The following FSTL4 variants were observed in gnomAD, a reference collection of about 807,000 sequenced individuals.
FSTL4 encodes the protein follistatin like 4.
A neutral mutation model predicts 78.2 loss-of-function variants in FSTL4; 28 were observed. The observed-to-expected ratio is 0.36, with a 90% CI of 0.27 to 0.49. The LOEUF is 0.49. Ranked by LOEUF, FSTL4 falls within the 20% of genes least tolerant of loss-of-function variation. The probability of loss-of-function intolerance (pLI) is 0.98; values close to 1 mark genes in which losing one functional copy is unlikely to be tolerated. For missense variants in FSTL4, 922 were observed against 1,084.9 expected (o/e 0.85, Z 2.11); for synonymous variants, 422 against 440.5 (o/e 0.96, Z 0.53).
intron 3 of FSTL4, among the ~76,000 whole-genome samples, chr5:133,436,443 G>A (rs898566430): frequency 6.6e-6 from 1 of 152,200 alleles, no homozygotes; most frequent in East Asian, 1.9e-4. Flanking sequence ...AGAACATGGT[G>A]TGAGTTGAGG....
chr5:133,201,270 G>A (rs1355545419), intron 15 of FSTL4, among the ~76,000 whole-genome samples: 2 of 152,206 alleles, frequency 1.3e-5, no homozygotes. Flanking sequence ...AAGTGAATAC[G>A]GATGGGGACT....
chr5:133,257,293 A>G (rs1752403666), intron 6 of FSTL4, among the ~76,000 whole-genome samples: 1 of 152,190 alleles, frequency 6.6e-6, no homozygotes. Flanking sequence ...TACAGACCCC[A>G]GGTTAAGGGC....
At chr5:133,259,059 C>G (rs374885574) in intron 6 of FSTL4, among the ~76,000 whole-genome samples, 1 of 151,632 alleles carries the variant, frequency 6.6e-6, no homozygotes, top group Non-Finnish European at 1.5e-5. Flanking sequence ...GGGGGTGTCT[C>G]AGAATAGGCT....
chr5:133,376,872 G>C (rs1236491825), intron 4 of FSTL4, among the ~76,000 whole-genome samples: 1 of 133,794 alleles, frequency 7.5e-6, no homozygotes, highest in African/African-American at 2.8e-5. Flanking sequence ...CTGAGAGACA[G>C]AGCAAGAGTC....
At chr5:133,214,189 A>G (rs1206646677) in intron 13 of FSTL4, among the ~76,000 whole-genome samples, 2 of 152,236 alleles carry the variant, frequency 1.3e-5, no homozygotes, top group African/African-American at 4.8e-5. Context: ...TAATTGACAC[A>G]TATATAGAAT....
the FSTL4 span, among the ~76,000 whole-genome samples, chr5:133,623,221 TAGA>T: frequency 2.0e-3 from 301 of 152,114 alleles, 1 homozygote; most frequent in African/African-American, 6.7e-3. Context: ...AATCTTTTAA[TAGA>T]AGAACAAAGT....
chr5:133,613,753 G>T (rs979967677), upstream of FSTL4, among the ~76,000 whole-genome samples: 1 of 152,190 alleles, frequency 6.6e-6, no homozygotes, highest in Non-Finnish European at 1.5e-5. Context: ...TCTACTGTAG[G>T]TATCAGTTTC....
At chr5:133,428,459 G>A (rs1050276588) in intron 3 of FSTL4, among the ~76,000 whole-genome samples, 13 of 152,178 alleles carry the variant, frequency 8.5e-5, no homozygotes, top group African/African-American at 7.2e-5. Context: ...CCTGTCCAGA[G>A]CCAACAGGAC....
chr5:133,251,455 G>T (rs1752235872), intron 6 of FSTL4, among the ~76,000 whole-genome samples: 2 of 152,164 alleles, frequency 1.3e-5, no homozygotes, highest in Non-Finnish European at 2.9e-5. Flanking sequence ...GATAACTGAA[G>T]CTTGAGAAAC....
At chr5:133,239,353 G>T (rs1057412336) in intron 7 of FSTL4, among the ~76,000 whole-genome samples, 1 of 152,188 alleles carries the variant, frequency 6.6e-6, no homozygotes, top group Non-Finnish European at 1.5e-5. Flanking sequence ...CGGGCGCACG[G>T]CACGGGACTG....
chr5:133,364,565 T>C (rs2126937404), intron 4 of FSTL4, among the ~76,000 whole-genome samples: 1 of 152,366 alleles, frequency 6.6e-6, no homozygotes, highest in African/African-American at 2.4e-5. Flanking sequence ...TGGGAAATTG[T>C]GCAGTTATGA....
At position 133,199,166 on chromosome 5, in the gene FSTL4, G is replaced by T. The variant is rs766822429; in HGVS notation, c.2458C>A (p.Gln820Lys). The change falls in exon 16 of 16, where the codon CAA (glutamine) becomes AAA (lysine). Residue 820 changes from glutamine to lysine, a missense_variant. Transcript: ENST00000265342. This position sits in a 1 kb window ranked among gnomAD's most constrained non-coding sequence, Gnocchi z 4.4. ...RESLFLINGR[Q>K]NTLRCEVSGI... ...GACACCTCACACCGCAGCGTGTTTT[G>T]TCTCCCATTGATGAGGAACAGTGAC... 5 of 1,607,932 alleles carry T rather than the reference G, an allele frequency of 3.1e-6. No homozygotes were observed. Among genetic ancestry groups the T allele is most frequent in the Middle Eastern group, 1.7e-4 (1 of 6,024 alleles).
At chr5:133,241,314 TTA>T (rs1299690808) in intron 7 of FSTL4, among the ~76,000 whole-genome samples, 1 of 152,244 alleles carries the variant, frequency 6.6e-6, no homozygotes, top group African/African-American at 2.4e-5. Flanking sequence ...GACTTCCAGT[TTA>T]TGTCAGAAGT....
chr5:133,278,335 G>T (rs1752934495), intron 6 of FSTL4, among the ~76,000 whole-genome samples: 1 of 152,184 alleles, frequency 6.6e-6, no homozygotes, highest in Non-Finnish European at 1.5e-5. Flanking sequence ...AGCTCCCCAG[G>T]CCCTCTGCCA....
the FSTL4 span, among the ~76,000 whole-genome samples, chr5:133,723,221 T>A: frequency 6.6e-6 from 1 of 152,146 alleles, no homozygotes; most frequent in Admixed American, 6.5e-5. Flanking sequence ...TTGTTCTGAG[T>A]TATAGCCCAG....
At chr5:133,742,529 T>G in the FSTL4 span, among the ~76,000 whole-genome samples, 1 of 152,126 alleles carries the variant, frequency 6.6e-6, no homozygotes, top group Non-Finnish European at 1.5e-5. Flanking sequence ...CTGGGCATCC[T>G]TTCAGCAGTA....
At chr5:133,214,202 A>G (rs1332343026) in intron 13 of FSTL4, among the ~76,000 whole-genome samples, 1 of 152,254 alleles carries the variant, frequency 6.6e-6, no homozygotes, top group African/African-American at 2.4e-5. Flanking sequence ...TATAGAATAC[A>G]GTATCTAACA....
chr5:133,354,068 A>G (rs1159966549), intron 4 of FSTL4, among the ~76,000 whole-genome samples: 2 of 152,202 alleles, frequency 1.3e-5, no homozygotes, highest in African/African-American at 2.4e-5. Flanking sequence ...TGCTCCTGCT[A>G]TGTGGCCTCA....
intron 3 of FSTL4, among the ~76,000 whole-genome samples, chr5:133,494,215 A>G (rs955446274): frequency 1.3e-5 from 2 of 152,192 alleles, no homozygotes; most frequent in Non-Finnish European, 1.5e-5. Flanking sequence ...CAGAAAGAAA[A>G]AAGAAAAGGA....
Sources: gnomAD v4.1 joint callset for allele counts (sites outside exome capture counted in the v4.1 genomes callset) on GRCh38, gnomAD v4.1.1 for gene constraint, Gnocchi (gnomAD v3.1) non-coding constraint, MANE v1.5 for transcripts, NCBI Gene and HGNC (gene_info 2026-07-23, HGNC 2026-07-21) for gene names.